TRPM3: variants seen among roughly 807,000 people sequenced by gnomAD.
TRPM3 encodes the protein long transient receptor potential channel 3.
A neutral mutation model predicts 181.2 loss-of-function variants in TRPM3; 77 were observed. That is an observed-to-expected ratio of 0.42 (90% confidence interval 0.35 to 0.51). The LOEUF (loss-of-function observed/expected upper bound fraction) is 0.51, where lower values mean the gene tolerates loss of function less well. TRPM3 is among the 20% of genes least tolerant of loss of function. The probability of loss-of-function intolerance (pLI) is 0.01; values close to 1 mark genes in which losing one functional copy is unlikely to be tolerated. For synonymous variants in TRPM3, 745 were observed against 796.4 expected (o/e 0.94, Z 1.09); for missense variants, 1,759 against 2,196.7 (o/e 0.80, Z 3.98).
intron 1 of TRPM3, among the ~76,000 whole-genome samples, chr9:71,294,069 C>T (rs1051727108): frequency 4.6e-5 from 7 of 151,836 alleles, no homozygotes; most frequent in South Asian, 2.1e-4. Flanking sequence ...AAAATGTAGG[C>T]GATTATCTTT....
At chr9:71,401,197 C>CAAAAAAAAAAAAA (rs59425467) in intron 1 of TRPM3, among the ~76,000 whole-genome samples, 2 of 105,772 alleles carry the variant, frequency 1.9e-5, no homozygotes, top group African/African-American at 4.0e-5. Flanking sequence ...GACACCATCG[C>CAAAAAAAAAAAAA]AAAAAAAAAA....
At chr9:71,417,589 G>T (rs1296999210) in intron 1 of TRPM3, among the ~76,000 whole-genome samples, 3 of 151,814 alleles carry the variant, frequency 2.0e-5, no homozygotes, top group Non-Finnish European at 2.9e-5. Flanking sequence ...TTAAATTACT[G>T]CACTAATTTA....
At chr9:71,413,080 A>C (rs1211705645) in intron 1 of TRPM3, among the ~76,000 whole-genome samples, 1 of 152,036 alleles carries the variant, frequency 6.6e-6, no homozygotes, top group Non-Finnish European at 1.5e-5. Flanking sequence ...GGGGAACATC[A>C]CACACTGGGG....
At chr9:71,359,870 C>T (rs1431180) in intron 1 of TRPM3, among the ~76,000 whole-genome samples, 72,079 of 151,776 alleles carry the variant, frequency 0.47, 18,026 homozygotes, top group East Asian at 0.6. Context: ...AAAGTTATTA[C>T]GTAAATTTAA....
intron 1 of TRPM3, among the ~76,000 whole-genome samples, chr9:71,111,058 T>C (rs925297427): frequency 1.3e-5 from 2 of 152,108 alleles, no homozygotes; most frequent in African/African-American, 4.8e-5. Context: ...AACTGAAAAA[T>C]ATGCTCTGCT....
chr9:70,845,573 A>C (rs566974501), intron 4 of TRPM3, among the ~76,000 whole-genome samples: 10 of 152,352 alleles, frequency 6.6e-5, no homozygotes, highest in Admixed American at 6.5e-4. Context: ...TAACTGGTCC[A>C]GAGTTATGTT....
chr9:71,121,504 G>A lies in TRPM3; in HGVS notation c.-150C>T. 1 of 1,416,110 alleles carries A rather than the reference G, an allele frequency of 7.1e-7. No individual in the cohort carries two copies. Among genetic ancestry groups the A allele is most frequent in the South Asian group, 1.7e-5 (1 of 60,606 alleles). 87.7% of individuals were successfully genotyped at this position (1,416,110 alleles called of 1,614,324 possible). Reference sequence around the variant, plus strand: ...GCAGCCGTGCTCATGCATACCAAATGTGGCTGAATGGAGGCACACTGCCTG... The same window carrying A: ...GCAGCCGTGCTCATGCATACCAAATATGGCTGAATGGAGGCACACTGCCTG... On this transcript the variant is annotated 5_prime_UTR_variant, in exon 1 of 26. Coordinates refer to ENST00000677713, the MANE Select transcript of TRPM3 (RefSeq NM_001366145.2).
At chr9:71,199,879 C>G (rs1341757085) in intron 1 of TRPM3, among the ~76,000 whole-genome samples, 1 of 151,940 alleles carries the variant, frequency 6.6e-6, no homozygotes, top group Non-Finnish European at 1.5e-5. Flanking sequence ...TCCTTCAGTT[C>G]TGCTCTGATT....
chr9:71,295,706 G>T (rs879939041), intron 1 of TRPM3, among the ~76,000 whole-genome samples: 10 of 151,906 alleles, frequency 6.6e-5, no homozygotes, highest in Non-Finnish European at 1.3e-4. Context: ...TGGCTTGGTA[G>T]CATGTACTAG....
chr9:71,282,977 C>G (rs1403640988), intron 1 of TRPM3, among the ~76,000 whole-genome samples: 5 of 152,168 alleles, frequency 3.3e-5, no homozygotes, highest in Non-Finnish European at 7.4e-5. Context: ...TAGTGCTTCC[C>G]AAGGTGCCAT....
At chr9:70,784,707 G>T (rs946778753) in intron 6 of TRPM3, among the ~76,000 whole-genome samples, 1 of 152,116 alleles carries the variant, frequency 6.6e-6, no homozygotes, top group Admixed American at 6.5e-5. Context: ...GTTAAAAAAT[G>T]CCACCTCCCT....
rs2064427894 is a variant in TRPM3 at position 70,625,536 on chromosome 9, G to A, written c.1633-19C>T. ...ACTCTCGCTTGGAAAGAAGACATAAGTTAAATAAGAAGATGCAGTAATCGT... is the reference window on the plus strand; with the variant it reads ...ACTCTCGCTTGGAAAGAAGACATAAATTAAATAAGAAGATGCAGTAATCGT... On this transcript the variant is annotated intron_variant, in intron 12 of 25. Transcript: ENST00000677713. The surrounding 1 kb of genome is among the most constrained non-coding windows in gnomAD (Gnocchi z 4.8). 1.1e-5 allele frequency: 18 copies of A among 1,606,904 alleles called. No homozygotes were observed. The highest frequency in any genetic ancestry group is 1.5e-5 in the Non-Finnish European group (18 of 1,177,538).
Position 70,534,719 on chromosome 9 carries a change from T to G in TRPM3, c.*1234A>C, listed in dbSNP as rs1385035175. ...CTAAGGTTATTTATAGTTTTGAAACTTCCTTAAAAAGTACTTTGGAACATT... is the reference window on the plus strand; with the variant it reads ...CTAAGGTTATTTATAGTTTTGAAACGTCCTTAAAAAGTACTTTGGAACATT... On this transcript the variant is annotated 3_prime_UTR_variant, in exon 26 of 26. Coordinates refer to ENST00000677713, the MANE Select transcript of TRPM3 (RefSeq NM_001366145.2). 1 of 152,228 alleles carries G rather than the reference T, an allele frequency of 6.6e-6. No individual in the cohort carries two copies. Among genetic ancestry groups the G allele is most frequent in the Non-Finnish European group, 1.5e-5 (1 of 68,034 alleles). The allele number at this position is 152,228 out of a possible 1,614,324, so 9.4% of individuals were successfully genotyped here. A position where few individuals can be genotyped will look rare whatever the true frequency, so the allele number is the denominator to read the frequency against.
At chr9:70,993,651 AT>A (rs1185710267) in intron 1 of TRPM3, among the ~76,000 whole-genome samples, 1 of 152,090 alleles carries the variant, frequency 6.6e-6, no homozygotes. Flanking sequence ...CCAAGTCGAG[AT>A]GGTCTTTGAC....
At chr9:70,961,671 T>A (rs2097138027) in intron 1 of TRPM3, among the ~76,000 whole-genome samples, 1 of 152,210 alleles carries the variant, frequency 6.6e-6, no homozygotes. Context: ...TTTTTGTGAC[T>A]ATTTTAGTTT....
chr9:70,818,285 C>T (rs1236574686), intron 6 of TRPM3, among the ~76,000 whole-genome samples: 5 of 152,232 alleles, frequency 3.3e-5, no homozygotes, highest in Admixed American at 3.3e-4. Context: ...TATTAGCCCC[C>T]TGGCCTATTT....
At chr9:71,106,353 C>T (rs908417416) in intron 1 of TRPM3, among the ~76,000 whole-genome samples, 1 of 152,100 alleles carries the variant, frequency 6.6e-6, no homozygotes, top group Non-Finnish European at 1.5e-5. Context: ...GCAGATCCCT[C>T]GTGAATGGCT....
At chr9:70,884,019 T>C (rs1470821658) in intron 1 of TRPM3, among the ~76,000 whole-genome samples, 2 of 152,160 alleles carry the variant, frequency 1.3e-5, no homozygotes, top group African/African-American at 2.4e-5. Context: ...CTCCGACATG[T>C]GTGGGTCTTG....
intron 1 of TRPM3, among the ~76,000 whole-genome samples, chr9:70,907,318 T>C (rs2096481330): frequency 6.6e-6 from 1 of 152,214 alleles, no homozygotes; most frequent in South Asian, 2.1e-4. Context: ...TTCAGTTGCA[T>C]GCTGTGAACT....
Sources: gnomAD v4.1 joint callset for allele counts (sites outside exome capture counted in the v4.1 genomes callset) on GRCh38, gnomAD v4.1.1 for gene constraint, Gnocchi (gnomAD v3.1) non-coding constraint, MANE v1.5 for transcripts, NCBI Gene and HGNC (gene_info 2026-07-23, HGNC 2026-07-21) for gene names.